The following DCC variants were observed in gnomAD, a reference collection of about 807,000 sequenced individuals.
DCC encodes the protein DCC netrin 1 receptor, also known as netrin receptor DCC.
In DCC, 58 loss-of-function variants were observed where a neutral mutation model predicts 172.5. That is an observed-to-expected ratio of 0.34 (90% CI 0.27 to 0.42). The LOEUF is 0.42. Ranked by LOEUF, DCC falls within the 10% of genes least tolerant of loss-of-function variation. DCC has a pLI of 1.00. For missense variants in DCC, 1,740 were observed against 1,791.0 expected, an observed-to-expected ratio of 0.97 and a Z score of 0.51; for synonymous variants, 709 against 644.5, an observed-to-expected ratio of 1.10 and a Z score of -1.52.
At chr18:52,576,829 CA>C (rs35498084) in intron 1 of DCC, among the ~76,000 whole-genome samples, 112 of 127,010 alleles carry the variant, frequency 8.8e-4, no homozygotes, top group East Asian at 6.3e-3. Context: ...GCCTCCATCT[CA>C]AAAAAAAAAA....
chr18:52,909,552 TATTC>T (rs1006089254), intron 3 of DCC, among the ~76,000 whole-genome samples: 22 of 152,212 alleles, frequency 1.4e-4, no homozygotes, highest in South Asian at 6.2e-4. Flanking sequence ...GTAATATACT[TATTC>T]AAGTCTATGT....
Position 53,212,347 on chromosome 18 carries a change from C to T in DCC, c.1862-3201C>T, listed in dbSNP as rs540269706. ...CACTTCTGCCTCATGAAACAAGAAGCGTCTTGGGAAGACAAATATAGAAAA... is the reference window on the plus strand; with the variant it reads ...CACTTCTGCCTCATGAAACAAGAAGTGTCTTGGGAAGACAAATATAGAAAA... On this transcript the variant is annotated intron_variant, in intron 11 of 28. Coordinates refer to ENST00000442544, the MANE Select transcript of DCC (RefSeq NM_005215.4). Among the ~76,000 whole-genome samples, 58 of 152,216 alleles carry T rather than the reference C, an allele frequency of 3.8e-4. 1 individual carries two copies. In the Middle Eastern group the frequency reaches 0.01, roughly 27 times the overall value.
chr18:52,529,569 C>A (rs1039778840), intron 1 of DCC, among the ~76,000 whole-genome samples: 1 of 152,190 alleles, frequency 6.6e-6, no homozygotes. Context: ...GGATTACAGG[C>A]GTGAGCCACC....
At chr18:52,536,507 T>C (rs577055706) in intron 1 of DCC, among the ~76,000 whole-genome samples, 15 of 152,220 alleles carry the variant, frequency 9.9e-5, no homozygotes, top group African/African-American at 3.6e-4. Flanking sequence ...TTTATCAGCA[T>C]AAAAATTCTC....
chr18:53,487,068 G>A, intron 26 of DCC, 110 bp downstream of exon 26: 3 of 1,384,124 alleles, frequency 2.2e-6, no homozygotes, highest in Non-Finnish European at 3.0e-6. Flanking sequence ...ATTTCCCTAT[G>A]ACTGTGGTAC....
At chr18:52,851,138 C>T (rs2038969738) in intron 2 of DCC, among the ~76,000 whole-genome samples, 2 of 151,940 alleles carry the variant, frequency 1.3e-5, no homozygotes, top group African/African-American at 4.8e-5. Flanking sequence ...AGTGAGGTGA[C>T]CTCACCAAAA....
Position 53,128,868 on chromosome 18 carries a change from CACATATATATATATATATATAT to C in DCC, c.1262-28486_1262-28465del, listed in dbSNP as rs1385985415. ...ACACACACACACACACACACACACA[CACATATATATATATATATATAT>C]ATATATATATATATTATTTGGAGTC... On this transcript the variant is annotated intron_variant, in intron 7 of 28. Coordinates refer to ENST00000442544, the MANE Select transcript of DCC (RefSeq NM_005215.4). 3.4e-3 allele frequency among the ~76,000 whole-genome samples: 197 copies of C among 57,434 alleles called. 1 individual carries two copies. In the East Asian group the frequency reaches 0.048, roughly 14 times the overall value. 37.7% of individuals were successfully genotyped at this position (57,434 alleles called of 152,430 possible). A position where few individuals can be genotyped will look rare whatever the true frequency, so the allele number is the denominator to read the frequency against.
chr18:53,096,592 A>G (rs1429497216), intron 7 of DCC, among the ~76,000 whole-genome samples: 2 of 152,182 alleles, frequency 1.3e-5, no homozygotes, highest in Admixed American at 1.3e-4. Context: ...GCTAAGAAAA[A>G]TAAGGCAATT....
At chr18:52,699,607 C>T (rs1037939288) in intron 1 of DCC, among the ~76,000 whole-genome samples, 3 of 152,176 alleles carry the variant, frequency 2.0e-5, no homozygotes, top group Non-Finnish European at 4.4e-5. Flanking sequence ...ATAAATTCCC[C>T]AAACCCTTTG....
At chr18:53,473,382 A>G (rs1018955685) in intron 25 of DCC, among the ~76,000 whole-genome samples, 1 of 152,210 alleles carries the variant, frequency 6.6e-6, no homozygotes, top group East Asian at 1.9e-4. Context: ...AAATAAATGT[A>G]TTATTAAAAT....
At chr18:52,939,342 A>G (rs2040426956) in intron 5 of DCC, among the ~76,000 whole-genome samples, 3 of 152,124 alleles carry the variant, frequency 2.0e-5, no homozygotes, top group Admixed American at 1.3e-4. Flanking sequence ...ACCATCTCTC[A>G]TAGTTACTGT....
chr18:52,445,886 C>A (rs1421489301), intron 1 of DCC, among the ~76,000 whole-genome samples: 2 of 152,168 alleles, frequency 1.3e-5, no homozygotes, highest in Admixed American at 6.5e-5. Flanking sequence ...ATGGAGAAAC[C>A]ACAGCATGCA....
chr18:52,774,716 G>T (rs1250154105), intron 2 of DCC, among the ~76,000 whole-genome samples: 1 of 151,970 alleles, frequency 6.6e-6, no homozygotes, highest in East Asian at 2.0e-4. Flanking sequence ...GTTTTCTCCA[G>T]CCCCACTCAT....
chr18:52,492,374 G>C (rs978461693), intron 1 of DCC, among the ~76,000 whole-genome samples: 2 of 151,974 alleles, frequency 1.3e-5, no homozygotes, highest in Admixed American at 6.6e-5. Context: ...GTCAACGAAG[G>C]TGTGGGAGAC....
intron 7 of DCC, among the ~76,000 whole-genome samples, chr18:53,153,734 G>A (rs2054681547): frequency 6.6e-6 from 1 of 152,150 alleles, no homozygotes; most frequent in Admixed American, 6.5e-5. Context: ...TAAACCAAGA[G>A]GGAAAGTAGG....
rs186819956 is a variant in DCC at position 53,305,728 on chromosome 18, T to C, written c.2053+9T>C. On this transcript the variant is annotated intron_variant, in intron 13 of 28. Coordinates refer to ENST00000442544, the MANE Select transcript of DCC (RefSeq NM_005215.4). The stretch of plus-strand genomic sequence containing the variant: ...CTGGTACCTATTCACAGGTCAGTGT[T>C]CACATGGTGTAGTCTTGCAAGGTTT... The C allele has an allele frequency of 5.3e-3, 8,609 of 1,613,656 alleles. 47 individuals carry two copies. Among genetic ancestry groups the C allele is most frequent in the Admixed American group, 0.025 (1,505 of 60,008 alleles).
chr18:53,136,668 G>C (rs568248677), intron 7 of DCC, among the ~76,000 whole-genome samples: 1 of 150,952 alleles, frequency 6.6e-6, no homozygotes, highest in African/African-American at 2.5e-5. Context: ...GGTTGATAAG[G>C]TATCTTGTGT....
At chr18:52,624,837 C>A (rs2144866695) in intron 1 of DCC, among the ~76,000 whole-genome samples, 1 of 152,252 alleles carries the variant, frequency 6.6e-6, no homozygotes, top group East Asian at 1.9e-4. Flanking sequence ...CGCAACTAGG[C>A]AGACAAAGAG....
chr18:53,469,059 C>T (rs1018351106), intron 25 of DCC, among the ~76,000 whole-genome samples: 3 of 152,124 alleles, frequency 2.0e-5, no homozygotes, highest in Non-Finnish European at 4.4e-5. Flanking sequence ...CACTTTATTG[C>T]CCCCTTGCCA....
Sources: gnomAD v4.1 joint callset for allele counts (sites outside exome capture counted in the v4.1 genomes callset) on GRCh38, gnomAD v4.1.1 for gene constraint, MANE v1.5 for transcripts, NCBI Gene and HGNC (gene_info 2026-07-23, HGNC 2026-07-21) for gene names.